The following ROBO2 variants were observed in gnomAD, a reference collection of about 807,000 sequenced individuals.
The protein encoded by ROBO2 is roundabout homolog 2.
In ROBO2, 53 loss-of-function variants were observed where a neutral mutation model predicts 160.8. The observed-to-expected ratio is 0.33, with a 90% CI of 0.26 to 0.41. The LOEUF is 0.41. Among genes scored for constraint, ROBO2 ranks in the 10% least tolerant of loss-of-function variants. The pLI is 1.00. For missense variants in ROBO2, 1,577 were observed against 1,722.4 expected (o/e 0.92, Z 1.49); for synonymous variants, 664 against 611.7 (o/e 1.09, Z -1.26).
At chr3:76,112,951 GTGAT>G (rs2070305201) in intron 2 of ROBO2, among the ~76,000 whole-genome samples, 1 of 151,964 alleles carries the variant, frequency 6.6e-6, no homozygotes, top group Non-Finnish European at 1.5e-5. Context: ...TCAATAGGCA[GTGAT>G]TGATTGATTG....
At chr3:77,371,635 A>G (rs1054740747) in intron 2 of ROBO2, among the ~76,000 whole-genome samples, 2 of 152,260 alleles carry the variant, frequency 1.3e-5, no homozygotes, top group Admixed American at 6.5e-5. Context: ...AAAGTGATTC[A>G]GAAGTGCTAC....
intron 2 of ROBO2, among the ~76,000 whole-genome samples, chr3:76,214,088 T>A (rs1703333316): frequency 2.6e-5 from 4 of 152,122 alleles, no homozygotes. Context: ...AGTTGACAGA[T>A]AACATTAATT....
intron 2 of ROBO2, among the ~76,000 whole-genome samples, chr3:77,162,622 T>G (rs2078596363): frequency 6.6e-6 from 1 of 152,158 alleles, no homozygotes; most frequent in South Asian, 2.1e-4. Context: ...TGATTAAAAG[T>G]GATATGGCTA....
chr3:77,455,041 G>T (rs1188899530), intron 2 of ROBO2, among the ~76,000 whole-genome samples: 2 of 152,156 alleles, frequency 1.3e-5, no homozygotes, highest in Non-Finnish European at 2.9e-5. Context: ...TAAAGTAGAT[G>T]TTAATAGTCA....
chr3:75,995,600 G>A (rs940641931), intron 2 of ROBO2, among the ~76,000 whole-genome samples: 2 of 152,136 alleles, frequency 1.3e-5, no homozygotes, highest in African/African-American at 4.8e-5. Context: ...CCCACAGAGA[G>A]TCCCTACTGG....
chr3:76,434,148 C>A, intron 2 of ROBO2: 3 of 1,182,348 alleles, frequency 2.5e-6, no homozygotes, highest in Non-Finnish European at 3.8e-6. Context: ...TGACTCACTG[C>A]TTGCTGGTCC....
intron 2 of ROBO2, among the ~76,000 whole-genome samples, chr3:77,281,445 C>G (rs974342): frequency 0.036 from 5,486 of 151,618 alleles, 112 homozygotes; most frequent in Middle Eastern, 0.075. Flanking sequence ...TTTACTGTCT[C>G]TATATGAAGA....
intron 2 of ROBO2, among the ~76,000 whole-genome samples, chr3:76,552,327 G>T (rs992044246): frequency 1.3e-5 from 2 of 152,172 alleles, no homozygotes; most frequent in Non-Finnish European, 2.9e-5. Context: ...CATAATTCAT[G>T]AAGAGAAATC....
intron 2 of ROBO2, among the ~76,000 whole-genome samples, chr3:76,211,995 T>G (rs1703175743): frequency 6.6e-6 from 1 of 152,046 alleles, no homozygotes. Flanking sequence ...AGATTTATGA[T>G]GAATTTTGAA....
intron 2 of ROBO2, among the ~76,000 whole-genome samples, chr3:77,358,867 T>C (rs2069511525): frequency 6.6e-6 from 1 of 152,206 alleles, no homozygotes. Flanking sequence ...GTTGAATAAA[T>C]GACCTTTTGG....
chr3:77,252,832 AT>A (rs1299427634), intron 2 of ROBO2, among the ~76,000 whole-genome samples: 1,178 of 26,126 alleles, frequency 0.045, 39 homozygotes, highest in South Asian at 0.056. Flanking sequence ...AAAAAAAAAA[AT>A]ATATATATAT....
At chr3:77,576,662 G>A (rs948669862) in intron 14 of ROBO2, among the ~76,000 whole-genome samples, 6 of 152,096 alleles carry the variant, frequency 3.9e-5, no homozygotes, top group Admixed American at 6.6e-5. Context: ...GTTGTAATTA[G>A]TTATAGGAGA....
intron 2 of ROBO2, among the ~76,000 whole-genome samples, chr3:76,580,324 T>C (rs1400622220): frequency 1.4e-4 from 16 of 117,998 alleles, no homozygotes; most frequent in Non-Finnish European, 2.8e-4. Context: ...CCTGTTTTTT[T>C]TTTGTTTTTT....
intron 2 of ROBO2, among the ~76,000 whole-genome samples, chr3:76,321,157 T>C (rs894129204): frequency 3.3e-5 from 5 of 152,096 alleles, no homozygotes; most frequent in Non-Finnish European, 7.4e-5. Context: ...AGGCTCTAAA[T>C]AGAGCAATAT....
intron 5 of ROBO2, among the ~76,000 whole-genome samples, chr3:77,518,330 A>C (rs1207844765): frequency 6.6e-6 from 1 of 151,496 alleles, no homozygotes; most frequent in African/African-American, 2.4e-5. Flanking sequence ...ATATATATTC[A>C]AAGTATTCTG....
intron 1 of ROBO2, among the ~76,000 whole-genome samples, chr3:75,929,171 ACGTGTGTGTGTG>A (rs1489540943): frequency 2.5e-5 from 2 of 80,724 alleles, no homozygotes; most frequent in Admixed American, 1.6e-4. Context: ...GCTGGATAAG[ACGTGTGTGTGTG>A]TGTGTGTGTG....
intron 2 of ROBO2, among the ~76,000 whole-genome samples, chr3:76,964,092 G>A (rs1402888747): frequency 6.6e-6 from 1 of 152,080 alleles, no homozygotes; most frequent in Non-Finnish European, 1.5e-5. Flanking sequence ...ATTAGACAAT[G>A]TGCCATAAAG....
chr3:76,796,908 A>G (rs1481516194), intron 2 of ROBO2, among the ~76,000 whole-genome samples: 1 of 152,156 alleles, frequency 6.6e-6, no homozygotes, highest in Admixed American at 6.6e-5. Context: ...ACAAGTGTAA[A>G]TATATATGCA....
chr3:77,095,569 G>A (rs996457530), intron 1 of ROBO2, among the ~76,000 whole-genome samples: 1 of 152,088 alleles, frequency 6.6e-6, no homozygotes, highest in South Asian at 2.1e-4. Context: ...TGCATAGGGA[G>A]ATTCATGGAG....
Sources: gnomAD v4.1 joint callset for allele counts (sites outside exome capture counted in the v4.1 genomes callset) on GRCh38, gnomAD v4.1.1 for gene constraint, MANE v1.5 for transcripts, NCBI Gene and HGNC (gene_info 2026-07-23, HGNC 2026-07-21) for gene names.